SORCS3: variants seen among roughly 807,000 people sequenced by gnomAD.
SORCS3 encodes the protein sortilin related VPS10 domain containing receptor 3.
A neutral mutation model predicts 146.3 loss-of-function variants in SORCS3; 57 were observed. The observed-to-expected ratio is 0.39, with a 90% CI of 0.31 to 0.49. SORCS3 has a LOEUF of 0.49. Among genes scored for constraint, SORCS3 ranks in the 20% least tolerant of loss-of-function variants. SORCS3 has a pLI of 0.92. For missense variants in SORCS3, 1,341 were observed against 1,575.5 expected (o/e 0.85, Z 2.52); for synonymous variants, 653 against 618.5 (o/e 1.06, Z -0.83).
At chr10:104,772,709 G>T (rs896620410) in intron 1 of SORCS3, among the ~76,000 whole-genome samples, 1 of 152,172 alleles carries the variant, frequency 6.6e-6, no homozygotes, top group African/African-American at 2.4e-5. Context: ...TGCCAGGAAA[G>T]ACCTCTTTCC....
At chr10:105,249,712 C>A (rs1393264414) in intron 22 of SORCS3, among the ~76,000 whole-genome samples, 1 of 151,908 alleles carries the variant, frequency 6.6e-6, no homozygotes, top group African/African-American at 2.4e-5. Context: ...GAAACTCCAT[C>A]TCTACAAAAA....
At chr10:104,830,693 T>C (rs1275933172) in intron 1 of SORCS3, among the ~76,000 whole-genome samples, 1 of 152,212 alleles carries the variant, frequency 6.6e-6, no homozygotes, top group Non-Finnish European at 1.5e-5. Flanking sequence ...CTGCCATACA[T>C]AGGCAGGATT....
chr10:105,139,373 C>G (rs376378461), intron 7 of SORCS3, 24 bp from the exon 8 acceptor site: 5 of 1,584,824 alleles, frequency 3.2e-6, no homozygotes, highest in Non-Finnish European at 4.3e-6. Flanking sequence ...CATCTGATCT[C>G]TTTGTGTTTC....
intron 9 of SORCS3, among the ~76,000 whole-genome samples, chr10:105,149,625 A>G (rs2056154715): frequency 1.3e-5 from 2 of 152,160 alleles, no homozygotes; most frequent in African/African-American, 4.8e-5. Flanking sequence ...TGTACAAGTA[A>G]AGCCATAGAG....
At chr10:104,906,329 C>A (rs2133593559) in intron 2 of SORCS3, among the ~76,000 whole-genome samples, 1 of 152,132 alleles carries the variant, frequency 6.6e-6, no homozygotes, top group East Asian at 1.9e-4. Flanking sequence ...TGTAGCAGGC[C>A]CCCCATCCTC....
intron 10 of SORCS3, 57 bp from the exon 11 acceptor site, chr10:105,158,835 C>A: frequency 7.5e-7 from 1 of 1,330,224 alleles, no homozygotes; most frequent in Non-Finnish European, 1.1e-6. Context: ...TCTAGTGGGG[C>A]AGGGGTACAG....
chr10:104,975,247 G>A (rs1271919137), intron 3 of SORCS3, among the ~76,000 whole-genome samples: 3 of 152,108 alleles, frequency 2.0e-5, no homozygotes, highest in South Asian at 2.1e-4. Flanking sequence ...GAAATCACAA[G>A]CATTCTTATA....
intron 1 of SORCS3, among the ~76,000 whole-genome samples, chr10:104,722,828 C>T (rs1219731770): frequency 6.6e-6 from 1 of 151,944 alleles, no homozygotes; most frequent in Non-Finnish European, 1.5e-5. Context: ...GGTGATATCC[C>T]CTTTATCATT....
chr10:104,746,291 T>C (rs953602558), intron 1 of SORCS3, among the ~76,000 whole-genome samples: 4 of 151,982 alleles, frequency 2.6e-5, no homozygotes, highest in Non-Finnish European at 4.4e-5. Context: ...TGCCCGCCAC[T>C]ACGCCTGGCT....
At chr10:104,694,123 TGATA>T (rs912313364) in intron 1 of SORCS3, among the ~76,000 whole-genome samples, 10 of 150,670 alleles carry the variant, frequency 6.6e-5, no homozygotes, top group African/African-American at 2.4e-4. Context: ...GTCTTCTGCT[TGATA>T]GATTGCTTTC....
intron 2 of SORCS3, among the ~76,000 whole-genome samples, chr10:104,845,743 C>T (rs924310018): frequency 2.6e-5 from 4 of 152,040 alleles, no homozygotes; most frequent in African/African-American, 9.7e-5. Context: ...ATTGAAATAC[C>T]AATTTCTGTC....
intron 2 of SORCS3, among the ~76,000 whole-genome samples, chr10:104,852,349 T>C (rs553180444): frequency 1.3e-5 from 2 of 152,318 alleles, no homozygotes; most frequent in East Asian, 3.9e-4. Context: ...TTCCTGGCCT[T>C]ACAGATTTGG....
intron 1 of SORCS3, among the ~76,000 whole-genome samples, chr10:104,830,353 C>T (rs1007584614): frequency 2.0e-5 from 3 of 152,178 alleles, no homozygotes; most frequent in Admixed American, 6.5e-5. Context: ...GCTCAAAGAT[C>T]GGTCACTGCA....
intron 3 of SORCS3, among the ~76,000 whole-genome samples, chr10:104,935,749 G>A (rs2019253813): frequency 6.6e-6 from 1 of 151,872 alleles, no homozygotes; most frequent in African/African-American, 2.4e-5. Flanking sequence ...TGGTGGGGTG[G>A]GTTGGGGAGG....
chr10:104,981,328 C>T (rs1007414858), intron 4 of SORCS3, among the ~76,000 whole-genome samples: 3 of 152,034 alleles, frequency 2.0e-5, no homozygotes, highest in Non-Finnish European at 2.9e-5. Flanking sequence ...TATAAGAATT[C>T]CTGAAGTTTA....
chr10:104,938,749 C>G (rs1370858646), intron 3 of SORCS3, among the ~76,000 whole-genome samples: 1 of 152,112 alleles, frequency 6.6e-6, no homozygotes, highest in African/African-American at 2.4e-5. Context: ...CTGAGTTTTC[C>G]CCATTCTTGT....
rs181516370 is a variant in SORCS3, at chr10:104,906,629, G to C, written c.696-9204G>C. ...CATGAGTTTATATAATTAGTCTGAG[G>C]CTCCACAGACTGGATTTGAATCCAA... On this transcript the variant is annotated intron_variant, in intron 2 of 26. Transcript: ENST00000369701. 7.2e-5 allele frequency among the ~76,000 whole-genome samples: 11 copies of C among 152,264 alleles called. No individual in the cohort carries two copies. In the East Asian group the frequency reaches 1.9e-3, roughly 27 times the overall value.
chr10:105,077,482 C>A (rs2055595877), intron 5 of SORCS3, among the ~76,000 whole-genome samples: 1 of 149,790 alleles, frequency 6.7e-6, no homozygotes, highest in Admixed American at 6.7e-5. Context: ...GGGGGTGTAT[C>A]GGTAATGACT....
At chr10:104,648,047 G>C (rs1448015963) in intron 1 of SORCS3, among the ~76,000 whole-genome samples, 3 of 152,234 alleles carry the variant, frequency 2.0e-5, no homozygotes, top group Non-Finnish European at 4.4e-5. Context: ...CTTTGGATGT[G>C]AGACTGCTCT....
Sources: gnomAD v4.1 joint callset for allele counts (sites outside exome capture counted in the v4.1 genomes callset) on GRCh38, gnomAD v4.1.1 for gene constraint, MANE v1.5 for transcripts, NCBI Gene and HGNC (gene_info 2026-07-23, HGNC 2026-07-21) for gene names.